Variants in WDR49 observed in about 807,000 individuals in gnomAD.
WDR49 encodes the protein WD repeat domain 49.
A neutral mutation model predicts 119.5 loss-of-function variants in WDR49; 107 were observed. That is an observed-to-expected ratio of 0.90 (90% CI 0.77 to 1.05). The LOEUF is 1.05. WDR49 is among the 50% of genes least tolerant of loss of function. WDR49 has a pLI of 0.00. For synonymous variants in WDR49, 425 were observed against 418.8 expected (o/e 1.01, Z -0.18); for missense variants, 1,240 against 1,220.5 (o/e 1.02, Z -0.24).
chr3:167,602,779 A>G lies in WDR49; in HGVS notation c.1127-504T>C, dbSNP rs568587916. On this transcript the variant is annotated intron_variant, in intron 6 of 18. Coordinates refer to ENST00000682715, the MANE Select transcript of WDR49 (RefSeq NM_001366157.1). ...GCATTTCATAACATTTCAGCCAACA[A>G]TATACAGCATATACGAATATGGTCC... is the stretch of plus-strand genomic sequence containing the variant. 2.0e-5 allele frequency among the ~76,000 whole-genome samples: 3 copies of G among 152,300 alleles called. No individual in the cohort carries two copies. In the East Asian group the frequency reaches 5.8e-4, roughly 29 times the overall value.
chr3:167,597,592 A>G (rs1715547477), intron 7 of WDR49, among the ~76,000 whole-genome samples: 6 of 151,980 alleles, frequency 3.9e-5, no homozygotes, highest in Admixed American at 3.9e-4. Context: ...CACACTCAAC[A>G]CCAGCTTGTA....
intron 8 of WDR49, among the ~76,000 whole-genome samples, chr3:167,571,683 C>T (rs6807215): frequency 0.063 from 9,648 of 152,096 alleles, 710 homozygotes; most frequent in African/African-American, 0.17. Flanking sequence ...GCCTTGTTTA[C>T]GTAAAATAGT....
chr3:167,651,982 A>G (rs1718405280), intron 2 of WDR49, among the ~76,000 whole-genome samples: 1 of 152,178 alleles, frequency 6.6e-6, no homozygotes, highest in African/African-American at 2.4e-5. Flanking sequence ...TCTGTTCACT[A>G]TAGAGTCAAA....
At chr3:167,505,767 G>T (rs543827114) in intron 16 of WDR49, among the ~76,000 whole-genome samples, 1 of 152,232 alleles carries the variant, frequency 6.6e-6, no homozygotes, top group South Asian at 2.1e-4. Flanking sequence ...TGAGAAGTAA[G>T]CATCAATCCT....
chr3:167,545,386 A>G (rs569041693), intron 10 of WDR49, among the ~76,000 whole-genome samples: 23 of 151,532 alleles, frequency 1.5e-4, no homozygotes, highest in Non-Finnish European at 2.8e-4. Flanking sequence ...TGAAAAAGAC[A>G]GATGCACACG....
At chr3:167,554,615 G>C in intron 10 of WDR49, 35 bp downstream of exon 10, 1 of 1,335,718 alleles carries the variant, frequency 7.5e-7, no homozygotes. Context: ...TTTTCTTTTA[G>C]ATTTTGATTA....
intron 10 of WDR49, among the ~76,000 whole-genome samples, chr3:167,550,316 C>T (rs13075113): frequency 0.17 from 25,619 of 152,078 alleles, 2,258 homozygotes; most frequent in African/African-American, 0.23. Flanking sequence ...TTGATTCTTC[C>T]TATCCATGAG....
chr3:167,574,320 A>G (rs1446921105), intron 8 of WDR49, among the ~76,000 whole-genome samples: 1 of 152,214 alleles, frequency 6.6e-6, no homozygotes, highest in Non-Finnish European at 1.5e-5. Flanking sequence ...CTCTAAAATG[A>G]TAAGTTATCA....
chr3:167,555,316 C>T (rs192181183), intron 9 of WDR49, among the ~76,000 whole-genome samples: 1 of 152,230 alleles, frequency 6.6e-6, no homozygotes, highest in Admixed American at 6.5e-5. Context: ...GGTGAAAAGC[C>T]CACAATGGAA....
At chr3:167,529,842 G>C (rs1370644264) in intron 13 of WDR49, among the ~76,000 whole-genome samples, 1 of 151,984 alleles carries the variant, frequency 6.6e-6, no homozygotes, top group Admixed American at 6.6e-5. Context: ...CATTTTTATA[G>C]GTTTTGTTGA....
intron 8 of WDR49, among the ~76,000 whole-genome samples, chr3:167,570,273 G>A (rs989076704): frequency 4.6e-5 from 7 of 152,180 alleles, no homozygotes; most frequent in Admixed American, 3.3e-4. Flanking sequence ...AGACTGTCTT[G>A]TACGATGGAG....
intron 18 of WDR49, among the ~76,000 whole-genome samples, chr3:167,498,585 A>G (rs771623395): frequency 6.6e-5 from 10 of 152,262 alleles, no homozygotes; most frequent in Non-Finnish European, 1.3e-4. Flanking sequence ...GACAAGTTTT[A>G]AAAGGTGAGG....
intron 18 of WDR49, among the ~76,000 whole-genome samples, chr3:167,489,989 C>G (rs980958454): frequency 6.6e-6 from 1 of 152,078 alleles, no homozygotes; most frequent in African/African-American, 2.4e-5. Context: ...TCCTGAGATG[C>G]TGCATTTCTA....
At chr3:167,509,587 T>C (rs953079373) in intron 16 of WDR49, among the ~76,000 whole-genome samples, 5 of 152,124 alleles carry the variant, frequency 3.3e-5, no homozygotes, top group African/African-American at 1.2e-4. Flanking sequence ...AAAGCAACCA[T>C]TTGTATTGCT....
upstream of WDR49, among the ~76,000 whole-genome samples, chr3:167,654,635 C>T (rs1012766388): frequency 1.3e-5 from 2 of 152,168 alleles, no homozygotes; most frequent in East Asian, 1.9e-4. Flanking sequence ...GTGGCTCACG[C>T]CTGTAATCCC....
intron 2 of WDR49, among the ~76,000 whole-genome samples, chr3:167,630,542 C>G (rs1398994185): frequency 6.6e-6 from 1 of 152,056 alleles, no homozygotes; most frequent in Admixed American, 6.6e-5. Flanking sequence ...TTGAGTGAAT[C>G]CCTGAAGAGT....
intron 8 of WDR49, among the ~76,000 whole-genome samples, chr3:167,563,619 T>A (rs1371700757): frequency 6.6e-6 from 1 of 152,182 alleles, no homozygotes; most frequent in Non-Finnish European, 1.5e-5. Flanking sequence ...TTTATTATTT[T>A]AAATTGACGC....
chr3:167,535,663 A>G (rs1056087885), intron 11 of WDR49, among the ~76,000 whole-genome samples: 1 of 152,154 alleles, frequency 6.6e-6, no homozygotes, highest in African/African-American at 2.4e-5. Context: ...GTAAATTAGT[A>G]TAGCCTTTAT....
chr3:167,497,209 C>T (rs371490323), intron 18 of WDR49, among the ~76,000 whole-genome samples: 9 of 152,188 alleles, frequency 5.9e-5, no homozygotes, highest in Non-Finnish European at 1.0e-4. Flanking sequence ...CATTTTCTCT[C>T]GCAAGTAGTC....
Sources: allele counts gnomAD v4.1 joint callset (sites outside exome capture counted in the v4.1 genomes callset), GRCh38; gene constraint gnomAD v4.1.1; transcripts MANE v1.5; gene names NCBI Gene and HGNC (gene_info 2026-07-23, HGNC 2026-07-21).